Variants in TMEM116 observed in about 807,000 individuals in gnomAD.
The protein encoded by TMEM116 is transmembrane protein 116.
TMEM116 carries 38 observed loss-of-function variants against 44.3 expected under a neutral mutation model. That is an observed-to-expected ratio of 0.86 (90% CI 0.66 to 1.12). The LOEUF is 1.12. Ranked by LOEUF, TMEM116 falls within the 50% of genes most tolerant of loss-of-function variation. The probability of loss-of-function intolerance (pLI) is 0.00; values close to 1 mark genes in which losing one functional copy is unlikely to be tolerated. For missense variants in TMEM116, 354 were observed against 401.7 expected, an observed-to-expected ratio of 0.88 and a Z score of 1.01; for synonymous variants, 132 against 144.8, an observed-to-expected ratio of 0.91 and a Z score of 0.64.
At position 111,991,886 on chromosome 12, in the gene TMEM116, T is replaced by C. The variant is rs779435238; in HGVS notation, c.82A>G (p.Arg28Gly). 4 of 1,534,974 alleles carry C rather than the reference T, an allele frequency of 2.6e-6. No homozygotes were observed. In the South Asian group the frequency reaches 4.8e-5, roughly 18 times the overall value. Residue 28 changes from arginine (R) to glycine (G), a missense_variant, in exon 4 of 11, where the codon AGA becomes GGA. Coordinates refer to ENST00000552374, the MANE Select transcript of TMEM116 (RefSeq NM_001193531.2). ...FHNIQKSPEIRPLFYLSFCDL... is the reference protein window; with the variant it reads ...FHNIQKSPEIGPLFYLSFCDL... ...CAGAAGCTCAGATAAAAAAGTGGTCTTATCTGTCAAAGTAATAAAATCCTC... is the reference window on the plus strand; with the variant it reads ...CAGAAGCTCAGATAAAAAAGTGGTCCTATCTGTCAAAGTAATAAAATCCTC...
intron 4 of TMEM116, among the ~76,000 whole-genome samples, chr12:111,974,229 C>A (rs553568160): frequency 6.6e-6 from 1 of 152,060 alleles, no homozygotes; most frequent in Non-Finnish European, 1.5e-5. Context: ...TAGCATTACA[C>A]TTAAGGTGAA....
At chr12:111,999,100 A>T (rs1169021578) in intron 3 of TMEM116, among the ~76,000 whole-genome samples, 4 of 152,162 alleles carry the variant, frequency 2.6e-5, no homozygotes, top group African/African-American at 9.7e-5. Context: ...TCATGCTCTT[A>T]AGAAAAATAC....
chr12:111,962,020 C>T (rs143986381), intron 4 of TMEM116, among the ~76,000 whole-genome samples: 2 of 152,096 alleles, frequency 1.3e-5, no homozygotes, highest in East Asian at 1.9e-4. Context: ...TTCCTATACA[C>T]CAACAGCAGA....
intron 4 of TMEM116, among the ~76,000 whole-genome samples, chr12:111,974,530 C>T (rs760219264): frequency 2.0e-5 from 3 of 151,718 alleles, no homozygotes; most frequent in Admixed American, 6.6e-5. Flanking sequence ...TGGTGGTGCA[C>T]GCCTATAATC....
At chr12:111,959,955 A>C (rs1339857513) in intron 4 of TMEM116, among the ~76,000 whole-genome samples, 1 of 152,210 alleles carries the variant, frequency 6.6e-6, no homozygotes, top group Admixed American at 6.5e-5. Context: ...ACAGAAAATT[A>C]ACAAGGATAT....
intron 4 of TMEM116, among the ~76,000 whole-genome samples, chr12:111,970,599 T>C (rs1217687852): frequency 2.6e-5 from 4 of 151,072 alleles, no homozygotes; most frequent in Non-Finnish European, 4.4e-5. Context: ...TTTTTTTTTT[T>C]TTTTTGAGAC....
At chr12:111,964,195 C>T (rs930117280) in intron 4 of TMEM116, among the ~76,000 whole-genome samples, 2 of 150,062 alleles carry the variant, frequency 1.3e-5, no homozygotes, top group African/African-American at 4.9e-5. Context: ...AATCCCAGCA[C>T]TTTGGGAGGC....
intron 3 of TMEM116, among the ~76,000 whole-genome samples, chr12:111,999,809 G>C (rs1227864647): frequency 6.6e-6 from 1 of 152,118 alleles, no homozygotes; most frequent in African/African-American, 2.4e-5. Context: ...CAAACACAAT[G>C]AAGAATTAAG....
intron 3 of TMEM116, among the ~76,000 whole-genome samples, chr12:111,997,393 A>T (rs1367480729): frequency 3.3e-5 from 5 of 152,024 alleles, no homozygotes; most frequent in Non-Finnish European, 7.4e-5. Context: ...TGTCTCTACA[A>T]AATTAAAAAT....
At chr12:111,957,602 C>A (rs1228123969) in intron 4 of TMEM116, among the ~76,000 whole-genome samples, 1 of 151,672 alleles carries the variant, frequency 6.6e-6, no homozygotes, top group Non-Finnish European at 1.5e-5. Flanking sequence ...CCCGGCCAGC[C>A]GCCCCGTCCG....
intron 1 of TMEM116, among the ~76,000 whole-genome samples, chr12:112,007,247 C>G (rs947467023): frequency 3.9e-5 from 6 of 152,094 alleles, no homozygotes; most frequent in African/African-American, 1.4e-4. Flanking sequence ...AAACCTTTCT[C>G]TACTAAAAAT....
In TMEM116 at chr12:112,008,490, A is replaced by C. The variant is rs942312626; in HGVS notation, c.-33-3187T>G. Among the ~76,000 whole-genome samples, 4 of 152,002 alleles carry C rather than the reference A, an allele frequency of 2.6e-5. No homozygotes were observed. In the East Asian group the frequency reaches 7.8e-4, roughly 29 times the overall value. The stretch of plus-strand genomic sequence containing the variant: ...GCAAGACTCCACCTCAAAAAAAAAA[A>C]AACCTCCTTAGCAAGTTCAAACCTA... On this transcript the variant is annotated intron_variant, in intron 1 of 10. Transcript: ENST00000552374.
chr12:112,001,654 T>C (rs187118997), intron 3 of TMEM116, among the ~76,000 whole-genome samples: 25 of 152,322 alleles, frequency 1.6e-4, no homozygotes, highest in African/African-American at 6.0e-4. Context: ...GAGATAAAGC[T>C]TAGCTCTCTC....
intron 4 of TMEM116, among the ~76,000 whole-genome samples, chr12:111,972,517 C>A (rs554959752): frequency 2.0e-5 from 3 of 152,170 alleles, no homozygotes; most frequent in Non-Finnish European, 2.9e-5. Context: ...CAGCCAACAA[C>A]AGCAGAATGT....
At chr12:112,006,879 G>A (rs920460080) in intron 1 of TMEM116, among the ~76,000 whole-genome samples, 3 of 152,142 alleles carry the variant, frequency 2.0e-5, no homozygotes, top group Non-Finnish European at 2.9e-5. Flanking sequence ...CACTTGCGTC[G>A]CTAGAGTAAT....
At position 111,956,955 on chromosome 12, in the gene TMEM116, G is replaced by A. The variant is rs1482577950; in HGVS notation, c.211-13586C>T. Among the ~76,000 whole-genome samples, 10 of 151,596 alleles carry A rather than the reference G, an allele frequency of 6.6e-5. 1 individual carries two copies. The South Asian group carries it at 1.0e-3, about 16-fold the overall frequency. ...CCACCCCGTATAGGAAGTGAGGAGC[G>A]TCTCTGCCTGGCCGCCCATCGTCTG... is the stretch of plus-strand genomic sequence containing the variant. On this transcript the variant is annotated intron_variant, in intron 4 of 10. Transcript: ENST00000552374.
chr12:111,931,722 G>A lies in TMEM116; in HGVS notation c.913C>T (p.Gln305Ter), dbSNP rs765693215. 4 of 1,613,650 alleles carry A rather than the reference G, an allele frequency of 2.5e-6. No homozygotes were observed. In the South Asian group the frequency reaches 4.4e-5, roughly 18 times the overall value. ...TTCTGTGAGCATAATAATGGTGTCTGGGTATCTGCATCACGCCGAGCCTCC... is the reference window on the plus strand; with the variant it reads ...TTCTGTGAGCATAATAATGGTGTCTAGGTATCTGCATCACGCCGAGCCTCC... ...KQEARRDADT[Q>*]TPLLCSQKRF... The change falls in exon 11 of 11, where the codon CAG becomes TAG. Residue 305 changes from glutamine to a stop codon, truncating the protein, a stop_gained. Coordinates refer to ENST00000552374, the MANE Select transcript of TMEM116 (RefSeq NM_001193531.2). LOFTEE classifies it high-confidence loss of function.
rs140336748 is a variant in TMEM116, at chr12:111,942,648, A to G, written c.315+617T>C. 1.9e-3 allele frequency among the ~76,000 whole-genome samples: 290 copies of G among 152,334 alleles called. 2 individuals are homozygous for G. The highest frequency in any genetic ancestry group is 6.6e-3 in the African/African-American group (276 of 41,568). On this transcript the variant is annotated intron_variant, in intron 5 of 10. Coordinates refer to ENST00000552374, the MANE Select transcript of TMEM116 (RefSeq NM_001193531.2). ...TGTCTAAGGTCACAACAGGAGATAA[A>G]TAACAGAACTGGGTCTCGCAGGGTT...
At chr12:111,958,200 A>T (rs948599016) in intron 4 of TMEM116, among the ~76,000 whole-genome samples, 27 of 145,172 alleles carry the variant, frequency 1.9e-4, no homozygotes, top group Non-Finnish European at 3.4e-4. Context: ...TTATCTGCTG[A>T]CCTTCCCTCC....
Sources: allele counts gnomAD v4.1 joint callset (sites outside exome capture counted in the v4.1 genomes callset), GRCh38; gene constraint gnomAD v4.1.1; transcripts MANE v1.5; gene names NCBI Gene and HGNC (gene_info 2026-07-23, HGNC 2026-07-21).